Variants in GPC5 observed in about 807,000 individuals in gnomAD.
The protein encoded by GPC5 is glypican 5.
In GPC5, 47 loss-of-function variants were observed where a neutral mutation model predicts 53.9. The ratio of observed to expected loss-of-function variants is 0.87; its 90% CI spans 0.69 to 1.11. The LOEUF (loss-of-function observed/expected upper bound fraction) is 1.11. GPC5 is among the 50% of genes most tolerant of loss of function. The pLI, the probability that GPC5 is intolerant of heterozygous loss-of-function variation, is 0.00. For missense variants in GPC5, 748 were observed against 713.1 expected (o/e 1.05, Z -0.56); for synonymous variants, 286 against 263.3 (o/e 1.09, Z -0.84).
chr13:91,882,670 G>GTTTTTTTTTTTTTTTTTTTTTTT, intron 5 of GPC5, among the ~76,000 whole-genome samples: 25 of 59,324 alleles, frequency 4.2e-4, no homozygotes, highest in Non-Finnish European at 4.9e-4. Context: ...TGTTTTTTGG[G>GTTTTTTTTTTTTTTTTTTTTTTT]TTTTTTTTTT....
intron 7 of GPC5, among the ~76,000 whole-genome samples, chr13:92,603,323 A>C (rs1884144336): frequency 6.6e-6 from 1 of 152,122 alleles, no homozygotes; most frequent in African/African-American, 2.4e-5. Flanking sequence ...AAAGCCTAAG[A>C]AAATCTCTGT....
At chr13:91,668,209 A>G (rs966895424) in intron 2 of GPC5, among the ~76,000 whole-genome samples, 1 of 152,194 alleles carries the variant, frequency 6.6e-6, no homozygotes, top group African/African-American at 2.4e-5. Context: ...CACCACATAC[A>G]GTGGTGTTGT....
At chr13:92,844,669 T>C (rs1199548840) in intron 7 of GPC5, among the ~76,000 whole-genome samples, 1 of 152,116 alleles carries the variant, frequency 6.6e-6, no homozygotes, top group Non-Finnish European at 1.5e-5. Context: ...ACTGGTCAAT[T>C]ATTTTTGATT....
At chr13:92,584,868 G>T (rs1883487113) in intron 7 of GPC5, among the ~76,000 whole-genome samples, 1 of 152,164 alleles carries the variant, frequency 6.6e-6, no homozygotes, top group Non-Finnish European at 1.5e-5. Context: ...TGCTTCAGAA[G>T]GTGGAAGCCC....
At chr13:92,693,351 G>A (rs1003179400) in intron 7 of GPC5, among the ~76,000 whole-genome samples, 1 of 152,126 alleles carries the variant, frequency 6.6e-6, no homozygotes, top group Non-Finnish European at 1.5e-5. Context: ...TAAGATAGGA[G>A]GATGTGGGAA....
intron 6 of GPC5, among the ~76,000 whole-genome samples, chr13:92,059,112 C>G (rs2138850033): frequency 6.6e-6 from 1 of 152,180 alleles, no homozygotes; most frequent in Middle Eastern, 3.4e-3. Context: ...ACTGCTTTTT[C>G]CTGTGCAGAT....
chr13:91,518,139 G>A (rs936406418), intron 2 of GPC5, among the ~76,000 whole-genome samples: 3 of 152,178 alleles, frequency 2.0e-5, no homozygotes, highest in Non-Finnish European at 4.4e-5. Flanking sequence ...TTATTCATTT[G>A]TACATAATTC....
intron 2 of GPC5, among the ~76,000 whole-genome samples, chr13:91,666,935 A>C (rs1260171662): frequency 6.6e-6 from 1 of 152,190 alleles, no homozygotes; most frequent in Non-Finnish European, 1.5e-5. Context: ...TGAATAGATT[A>C]GCCAAAACAA....
rs1476190928 is a variant in GPC5 at position 91,455,254 on chromosome 13, G to A, written c.325+6332G>A. The stretch of plus-strand genomic sequence containing the variant: ...ATTGTGGTTTATAGGCTATGCACTT[G>A]TTTACTTTACTAGATATTTACTAAA... On this transcript the variant is annotated intron_variant, in intron 2 of 7. Transcript: ENST00000377067. 2.6e-5 allele frequency among the ~76,000 whole-genome samples: 4 copies of A among 151,960 alleles called. No homozygotes were observed. In the East Asian group the frequency reaches 7.7e-4, roughly 29 times the overall value.
chr13:91,457,012 T>C (rs1881606937), intron 2 of GPC5, among the ~76,000 whole-genome samples: 2 of 152,062 alleles, frequency 1.3e-5, no homozygotes, highest in Admixed American at 6.6e-5. Flanking sequence ...GTCTATTTTA[T>C]GTGAAGAACA....
At chr13:92,448,227 C>T (rs907062848) in intron 7 of GPC5, 9 of 152,106 alleles carry the variant, frequency 5.9e-5, no homozygotes, top group South Asian at 4.1e-4. Context: ...AACAGTTTTA[C>T]TTTTTATTCA....
chr13:92,517,660 C>T (rs1370162689), intron 7 of GPC5, among the ~76,000 whole-genome samples: 1 of 152,114 alleles, frequency 6.6e-6, no homozygotes, highest in Non-Finnish European at 1.5e-5. Flanking sequence ...AAAGGACATC[C>T]ACACCAAAAC....
chr13:91,564,496 G>T (rs2031435354), intron 2 of GPC5, among the ~76,000 whole-genome samples: 1 of 152,174 alleles, frequency 6.6e-6, no homozygotes, highest in Admixed American at 6.5e-5. Context: ...GATACAGACA[G>T]ATATGAATAA....
intron 6 of GPC5, among the ~76,000 whole-genome samples, chr13:91,948,933 T>C (rs1332583153): frequency 6.6e-6 from 1 of 152,198 alleles, no homozygotes; most frequent in Non-Finnish European, 1.5e-5. Flanking sequence ...GAGAGACATA[T>C]GGTATGTCAG....
intron 7 of GPC5, among the ~76,000 whole-genome samples, chr13:92,763,861 G>A (rs770021974): frequency 3.3e-5 from 5 of 152,072 alleles, no homozygotes; most frequent in East Asian, 1.9e-4. Flanking sequence ...GGGGAGCAGC[G>A]TACTATTGCA....
intron 7 of GPC5, among the ~76,000 whole-genome samples, chr13:92,349,785 G>T (rs1021917615): frequency 2.0e-5 from 3 of 152,018 alleles, no homozygotes; most frequent in South Asian, 2.1e-4. Context: ...AGACCTGATG[G>T]CTTATGGTTG....
chr13:91,639,331 G>T (rs995786801), intron 2 of GPC5, among the ~76,000 whole-genome samples: 33 of 152,170 alleles, frequency 2.2e-4, no homozygotes, highest in African/African-American at 7.7e-4. Flanking sequence ...AATACTTTCA[G>T]AGTAGAGGGC....
chr13:91,607,431 C>A (rs1485901454), intron 2 of GPC5, among the ~76,000 whole-genome samples: 1 of 152,114 alleles, frequency 6.6e-6, no homozygotes, highest in Admixed American at 6.6e-5. Flanking sequence ...GCCTAATGTG[C>A]TTTTCCTATC....
intron 2 of GPC5, among the ~76,000 whole-genome samples, chr13:91,502,479 G>A (rs1884693843): frequency 1.3e-5 from 2 of 152,142 alleles, no homozygotes; most frequent in African/African-American, 4.8e-5. Flanking sequence ...AGGGAGGGGA[G>A]TAGTGTTACT....
Sources: allele counts gnomAD v4.1 joint callset (sites outside exome capture counted in the v4.1 genomes callset), GRCh38; gene constraint gnomAD v4.1.1; transcripts MANE v1.5; gene names NCBI Gene and HGNC (gene_info 2026-07-23, HGNC 2026-07-21).